MAGI1: variants seen among roughly 807,000 people sequenced by gnomAD.
MAGI1 encodes membrane-associated guanylate kinase, WW and PDZ domain-containing protein 1.
A neutral mutation model predicts 139.9 loss-of-function variants in MAGI1; 58 were observed. That is an observed-to-expected ratio of 0.41 (90% CI 0.34 to 0.52). The LOEUF (loss-of-function observed/expected upper bound fraction) is 0.52, where lower values mean the gene tolerates loss of function less well. Ranked by LOEUF, MAGI1 falls within the 20% of genes least tolerant of loss-of-function variation. The pLI is 0.12. For synonymous variants in MAGI1, 812 were observed against 737.9 expected, an observed-to-expected ratio of 1.10 and a Z score of -1.63; for missense variants, 1,874 against 1,901.6, an observed-to-expected ratio of 0.99 and a Z score of 0.27.
chr3:65,955,860 G>A (rs2064100478), intron 1 of MAGI1, among the ~76,000 whole-genome samples: 1 of 152,060 alleles, frequency 6.6e-6, no homozygotes, highest in Non-Finnish European at 1.5e-5. Context: ...CCATGCCAGA[G>A]TGTTCTGTTT....
At position 65,481,909 on chromosome 3, in the gene MAGI1, C is replaced by T. The variant is rs567899161; in HGVS notation, c.551-3111G>A. ...GATTTGTTAATGCAATTACAAACAA[C>T]CCAAAACAATCCACTTGTTCACAAT... On this transcript the variant is annotated intron_variant, in intron 3 of 22. Coordinates refer to ENST00000402939, the MANE Select transcript of MAGI1 (RefSeq NM_001033057.2). 3.9e-5 allele frequency among the ~76,000 whole-genome samples: 6 copies of T among 152,278 alleles called. No homozygotes were observed. The South Asian group carries it at 1.2e-3, about 32-fold the overall frequency.
intron 2 of MAGI1, among the ~76,000 whole-genome samples, chr3:65,584,870 G>C (rs147022696): frequency 6.6e-6 from 1 of 152,016 alleles, no homozygotes; most frequent in Non-Finnish European, 1.5e-5. Flanking sequence ...CTTGTACCAG[G>C]TACTGTGCTA....
chr3:65,868,920 C>T (rs2059820010), intron 1 of MAGI1, among the ~76,000 whole-genome samples: 1 of 152,144 alleles, frequency 6.6e-6, no homozygotes, highest in South Asian at 2.1e-4. Context: ...TTTCAACCCT[C>T]TGACCCTGCC....
chr3:65,734,539 GAGAGAGAA>G (rs1236999207), intron 1 of MAGI1, among the ~76,000 whole-genome samples: 5 of 146,752 alleles, frequency 3.4e-5, no homozygotes, highest in Admixed American at 2.0e-4. Context: ...GAGAGGGGGA[GAGAGAGAA>G]AGAGAGAAAG....
chr3:65,543,505 T>C (rs1409622934), intron 2 of MAGI1, among the ~76,000 whole-genome samples: 1 of 152,164 alleles, frequency 6.6e-6, no homozygotes, highest in Non-Finnish European at 1.5e-5. Flanking sequence ...CCAAACCAAA[T>C]GCCCATCAAT....
At chr3:65,472,643 GAGA>G (rs1480803945) in intron 4 of MAGI1, among the ~76,000 whole-genome samples, 2 of 152,190 alleles carry the variant, frequency 1.3e-5, no homozygotes. Context: ...CCAATGAGCA[GAGA>G]GTGGTGCAGT....
chr3:65,542,597 C>T (rs1000448309), intron 2 of MAGI1, among the ~76,000 whole-genome samples: 2 of 152,056 alleles, frequency 1.3e-5, no homozygotes, highest in Non-Finnish European at 2.9e-5. Flanking sequence ...GAAATAACAC[C>T]ACACATCTAC....
intron 1 of MAGI1, among the ~76,000 whole-genome samples, chr3:65,788,102 C>T (rs996265452): frequency 6.6e-6 from 1 of 152,142 alleles, no homozygotes; most frequent in Non-Finnish European, 1.5e-5. Context: ...AAGTAATTAA[C>T]ATAAATTGAA....
At chr3:65,846,352 C>T (rs943353907) in intron 1 of MAGI1, among the ~76,000 whole-genome samples, 11 of 152,124 alleles carry the variant, frequency 7.2e-5, no homozygotes, top group African/African-American at 2.7e-4. Context: ...GAAACTTCAC[C>T]CCAAACTCTG....
chr3:65,960,744 G>A (rs1289902366), intron 1 of MAGI1, among the ~76,000 whole-genome samples: 1 of 152,178 alleles, frequency 6.6e-6, no homozygotes, highest in Non-Finnish European at 1.5e-5. Context: ...GTGGGCTCTT[G>A]TTATCCTTCC....
rs939890740 is a variant in MAGI1, at chr3:65,517,345, A to G, written c.431-23714T>C. ...AGAGCTTCCTAATGGCTTACTGTAA[A>G]TCGTAAGCTCTTCCTCCCACCCTTG... On this transcript the variant is annotated intron_variant, in intron 2 of 22. Coordinates refer to ENST00000402939, the MANE Select transcript of MAGI1 (RefSeq NM_001033057.2). 2.6e-5 allele frequency among the ~76,000 whole-genome samples: 4 copies of G among 152,120 alleles called. No individual in the cohort carries two copies. The East Asian group carries it at 5.8e-4, about 22-fold the overall frequency.
At chr3:65,846,813 C>A (rs1188538958) in intron 1 of MAGI1, among the ~76,000 whole-genome samples, 1 of 151,990 alleles carries the variant, frequency 6.6e-6, no homozygotes, top group Non-Finnish European at 1.5e-5. Context: ...AGCCATTATA[C>A]CACATTGCCT....
intron 1 of MAGI1, among the ~76,000 whole-genome samples, chr3:65,648,551 G>C (rs187657010): frequency 2.6e-5 from 4 of 152,218 alleles, no homozygotes; most frequent in African/African-American, 9.6e-5. Flanking sequence ...CTAGAAAACA[G>C]TGATGAAATT....
At chr3:65,837,492 G>A (rs1168614129) in intron 1 of MAGI1, among the ~76,000 whole-genome samples, 1 of 152,114 alleles carries the variant, frequency 6.6e-6, no homozygotes, top group African/African-American at 2.4e-5. Context: ...TATCTGTCCA[G>A]CTCACACAAG....
chr3:65,561,892 C>G (rs72902238), intron 2 of MAGI1, among the ~76,000 whole-genome samples: 24,501 of 152,188 alleles, frequency 0.16, 2,015 homozygotes, highest in Middle Eastern at 0.2. Flanking sequence ...AGTTTCACTT[C>G]CTGTGGTTTC....
intron 1 of MAGI1, among the ~76,000 whole-genome samples, chr3:65,702,752 C>T (rs1576804067): frequency 6.6e-6 from 1 of 152,202 alleles, no homozygotes; most frequent in African/African-American, 2.4e-5. Flanking sequence ...GTTTTACTTA[C>T]TTATCTCCTT....
At chr3:66,021,870 A>G (rs1459373940) in intron 1 of MAGI1, among the ~76,000 whole-genome samples, 3 of 152,128 alleles carry the variant, frequency 2.0e-5, no homozygotes, top group African/African-American at 4.8e-5. Flanking sequence ...TAATTCTGAT[A>G]TACTTTCCAT....
At chr3:65,508,130 G>T (rs533623759) in intron 2 of MAGI1, among the ~76,000 whole-genome samples, 1 of 152,164 alleles carries the variant, frequency 6.6e-6, no homozygotes, top group African/African-American at 2.4e-5. Flanking sequence ...TCGGCCGGGC[G>T]CGGTGGCTCA....
At chr3:65,966,656 C>T (rs548975241) in intron 1 of MAGI1, among the ~76,000 whole-genome samples, 48 of 152,110 alleles carry the variant, frequency 3.2e-4, no homozygotes, top group African/African-American at 8.0e-4. Context: ...GAGATTATGG[C>T]CATAGAAATA....
Sources: gnomAD v4.1 joint callset for allele counts (sites outside exome capture counted in the v4.1 genomes callset) on GRCh38, gnomAD v4.1.1 for gene constraint, MANE v1.5 for transcripts, NCBI Gene and HGNC (gene_info 2026-07-23, HGNC 2026-07-21) for gene names.